THRB: variants seen among roughly 807,000 people sequenced by gnomAD.
THRB encodes nuclear receptor subfamily 1 group A member 2.
THRB carries 12 observed loss-of-function variants against 47.8 expected under a neutral mutation model. The observed-to-expected ratio is 0.25, with a 90% CI of 0.16 to 0.41. THRB has a LOEUF of 0.41. Ranked by LOEUF, THRB falls within the 10% of genes least tolerant of loss-of-function variation. The pLI is 1.00. For synonymous variants in THRB, 218 were observed against 212.2 expected (o/e 1.03, Z -0.24); for missense variants, 348 against 589.2 (o/e 0.59, Z 4.24).
intron 4 of THRB, among the ~76,000 whole-genome samples, chr3:24,224,703 C>T (rs2047484011): frequency 6.6e-6 from 1 of 152,190 alleles, no homozygotes; most frequent in South Asian, 2.1e-4. Context: ...AAATGCACTG[C>T]CTCAGTGTTC....
chr3:24,283,137 G>T (rs1201699821), intron 3 of THRB, among the ~76,000 whole-genome samples: 2 of 151,788 alleles, frequency 1.3e-5, no homozygotes, highest in African/African-American at 2.4e-5. Context: ...CCAAAAAAGA[G>T]AATTTTAGAC....
intron 3 of THRB, among the ~76,000 whole-genome samples, chr3:24,285,335 A>G (rs1464815180): frequency 1.3e-5 from 2 of 151,448 alleles, no homozygotes; most frequent in Non-Finnish European, 2.9e-5. Flanking sequence ...CACAAGAACA[A>G]AAAACCAAAC....
chr3:24,216,156 G>T (rs2046541129), intron 4 of THRB, among the ~76,000 whole-genome samples: 1 of 152,144 alleles, frequency 6.6e-6, no homozygotes, highest in Admixed American at 6.5e-5. Context: ...GAAGTGTGAA[G>T]GCAAACAACT....
intron 2 of THRB, among the ~76,000 whole-genome samples, chr3:24,329,424 A>T (rs2061780192): frequency 1.3e-5 from 2 of 152,186 alleles, no homozygotes; most frequent in Admixed American, 1.3e-4. Context: ...GCCTGACTCC[A>T]TGCCCCCAAT....
At chr3:24,472,988 T>C (rs181528995) in intron 1 of THRB, among the ~76,000 whole-genome samples, 22 of 152,336 alleles carry the variant, frequency 1.4e-4, no homozygotes, top group Non-Finnish European at 2.1e-4. Flanking sequence ...TATCTGTGAC[T>C]CACCATCTGT....
chr3:24,183,385 G>GAGAC (rs2042173533), intron 5 of THRB, among the ~76,000 whole-genome samples: 1 of 37,160 alleles, frequency 2.7e-5, no homozygotes, highest in Admixed American at 2.7e-4. Context: ...TTTTTTTTTT[G>GAGAC]AGACAGAGTC....
At chr3:24,313,635 C>T (rs1257964519) in intron 2 of THRB, among the ~76,000 whole-genome samples, 1 of 152,084 alleles carries the variant, frequency 6.6e-6, no homozygotes, top group Non-Finnish European at 1.5e-5. Flanking sequence ...TACTTTTCTT[C>T]CCCATTATTA....
rs2066214157 is a variant in THRB, at chr3:24,387,454, C to T, written c.-260-50083G>A. Among the ~76,000 whole-genome samples, 7 of 152,136 alleles carry T rather than the reference C, an allele frequency of 4.6e-5. No homozygotes were observed. In the South Asian group the frequency reaches 1.4e-3, roughly 31 times the overall value. On this transcript the variant is annotated intron_variant, in intron 1 of 10. Coordinates refer to ENST00000646209, the MANE Select transcript of THRB (RefSeq NM_001354712.2). ...TTCACAAAGAGTATTATAATTGTTT[C>T]TAACTACAGATTTTTAATCAAAGTA...
chr3:24,313,960 A>G (rs887041338), intron 2 of THRB, among the ~76,000 whole-genome samples: 6 of 152,368 alleles, frequency 3.9e-5, no homozygotes, highest in South Asian at 2.1e-4. Flanking sequence ...AAGGGAACAT[A>G]ATCATGAAGA....
chr3:24,329,723 A>G (rs2061798037), intron 2 of THRB, among the ~76,000 whole-genome samples: 1 of 152,240 alleles, frequency 6.6e-6, no homozygotes, highest in East Asian at 1.9e-4. Context: ...ACATTTATAT[A>G]ACAGACATTT....
intron 3 of THRB, among the ~76,000 whole-genome samples, chr3:24,249,432 T>C (rs1248747135): frequency 6.6e-6 from 1 of 152,152 alleles, no homozygotes; most frequent in Non-Finnish European, 1.5e-5. Context: ...TCTAGTATTT[T>C]CACATGGCAG....
intron 5 of THRB, among the ~76,000 whole-genome samples, chr3:24,180,865 G>A (rs539873352): frequency 6.6e-6 from 1 of 152,306 alleles, no homozygotes; most frequent in East Asian, 1.9e-4. Context: ...CCTTTGGCAT[G>A]AGGTCGCTGC....
chr3:24,233,556 A>AAAGGAAGGAAGG (rs751202991), intron 3 of THRB, among the ~76,000 whole-genome samples: 2 of 32,130 alleles, frequency 6.2e-5, no homozygotes, highest in South Asian at 1.5e-3. Flanking sequence ...AAAGAAAGAA[A>AAAGGAAGGAAGG]AAGGAAGAAA....
At position 24,122,581 on chromosome 3, in the gene THRB, A is replaced by G. The variant is rs906952633; in HGVS notation, c.*303T>C. On this transcript the variant is annotated 3_prime_UTR_variant, in exon 11 of 11. Transcript: ENST00000646209. ...GCCATTTTGCTGACTCAAGTCTTGG[A>G]CCAGGGACGGGTGGGAGCTGGTGAT... 2.3e-6 allele frequency: 1 copy of G among 431,210 alleles called. No individual in the cohort carries two copies. Among genetic ancestry groups the G allele is most frequent in the Non-Finnish European group, 4.3e-6 (1 of 231,086 alleles). The allele number at this position is 431,210 out of a possible 1,614,324, so 26.7% of individuals were successfully genotyped here. A position where few individuals can be genotyped will look rare whatever the true frequency, so the allele number is the denominator to read the frequency against.
intron 1 of THRB, among the ~76,000 whole-genome samples, chr3:24,465,326 G>A (rs183884967): frequency 1.5e-4 from 23 of 152,228 alleles, no homozygotes; most frequent in African/African-American, 5.1e-4. Flanking sequence ...TGCAAGTAAC[G>A]TTATCTCTAC....
At position 24,476,453 on chromosome 3, in the gene THRB, C is replaced by G. The variant is rs12330614; in HGVS notation, c.-261+18199G>C. Among the ~76,000 whole-genome samples, 222 of 152,250 alleles carry G rather than the reference C, an allele frequency of 1.5e-3. 1 individual carries two copies. Among genetic ancestry groups the G allele is most frequent in the African/African-American group, 4.8e-3 (201 of 41,540 alleles). ...TGTTTCAATGGTTGCCATCTTCAATCAGAGGAACTGAAACAAAAAAATTAA... is the reference window on the plus strand; with the variant it reads ...TGTTTCAATGGTTGCCATCTTCAATGAGAGGAACTGAAACAAAAAAATTAA... On this transcript the variant is annotated intron_variant, in intron 1 of 10. Coordinates refer to ENST00000646209, the MANE Select transcript of THRB (RefSeq NM_001354712.2).
chr3:24,297,027 A>G (rs1201681111), intron 3 of THRB, among the ~76,000 whole-genome samples, 199 bp downstream of exon 3: 1 of 152,242 alleles, frequency 6.6e-6, no homozygotes, highest in Admixed American at 6.5e-5. Flanking sequence ...CTCTACCCGT[A>G]TAGTATGAGA....
chr3:24,443,134 A>T (rs2071717906), intron 1 of THRB, among the ~76,000 whole-genome samples: 1 of 152,020 alleles, frequency 6.6e-6, no homozygotes, highest in Admixed American at 6.5e-5. Flanking sequence ...ATGAGCCGAG[A>T]TCACACCAGC....
chr3:24,459,367 T>A (rs2073484059), intron 1 of THRB: 1 of 152,302 alleles, frequency 6.6e-6, no homozygotes, highest in Admixed American at 6.5e-5. Flanking sequence ...CTATCATTGA[T>A]GGACATTTCG....
Sources: gnomAD v4.1 joint callset for allele counts (sites outside exome capture counted in the v4.1 genomes callset) on GRCh38, gnomAD v4.1.1 for gene constraint, MANE v1.5 for transcripts, NCBI Gene and HGNC (gene_info 2026-07-23, HGNC 2026-07-21) for gene names.